The following AHCY variants were observed in gnomAD, a reference collection of about 807,000 sequenced individuals.
AHCY encodes S-adenosyl-L-homocysteine hydrolase.
AHCY carries 24 observed loss-of-function variants against 45.4 expected under a neutral mutation model. That is an observed-to-expected ratio of 0.53 (90% CI 0.38 to 0.74). AHCY has a LOEUF of 0.74. AHCY is among the 30% of genes least tolerant of loss of function. The pLI is 0.00. For synonymous variants in AHCY, 245 were observed against 235.1 expected (o/e 1.04, Z -0.39); for missense variants, 449 against 594.1 (o/e 0.76, Z 2.54).
the AHCY span, among the ~76,000 whole-genome samples, chr20:34,264,002 T>C: frequency 2.0e-5 from 3 of 151,992 alleles, no homozygotes; most frequent in East Asian, 5.8e-4. Flanking sequence ...TTTTTGAAGA[T>C]TGACAATTAG....
chr20:34,300,407 A>T (rs2036729828), intron 1 of AHCY, among the ~76,000 whole-genome samples: 1 of 152,206 alleles, frequency 6.6e-6, no homozygotes, highest in African/African-American at 2.4e-5. Context: ...CCCTATCTGC[A>T]TGACTGCCTG....
chr20:34,290,377 C>G lies in AHCY; in HGVS notation c.927G>C (p.Lys309Asn). Residue 309 changes from lysine (K) to asparagine (N), a missense_variant, in exon 8 of 10, where the codon AAG becomes AAC. Coordinates refer to ENST00000217426, the MANE Select transcript of AHCY (RefSeq NM_000687.4). The surrounding 1 kb of genome is among the most constrained non-coding windows in gnomAD (Gnocchi z 4.5). Reference protein sequence around the residue: ...IGHFDVEIDVKWLNENAVEKV... With the variant: ...IGHFDVEIDVNWLNENAVEKV... ...TCTCCACGGCGTTCTCGTTGAGCCA[C>G]TTGACATCGATCTCCACGTCAAAGT... is the stretch of plus-strand genomic sequence containing the variant. The G allele has an allele frequency of 6.2e-7, 1 of 1,614,178 alleles. No individual in the cohort carries two copies. Among genetic ancestry groups the G allele is most frequent in the South Asian group, 1.1e-5 (1 of 91,082 alleles).
Position 34,285,497 on chromosome 20 carries a change from G to A in AHCY, c.1110C>T (p.Ile370=), listed in dbSNP as rs138006791. The change falls in exon 9 of 10, where the codon ATC becomes ATT. Residue 370 remains isoleucine (I), a synonymous_variant. Transcript: ENST00000217426. Reference sequence around the variant, plus strand: ...ACTTGTCTGGATGGGTCCACAGCTCGATCTGCGCCATCACCTGGTTGGTGA... The same window carrying A: ...ACTTGTCTGGATGGGTCCACAGCTCAATCTGCGCCATCACCTGGTTGGTGA... ...NSFTNQVMAQ[I]ELWTHPDKYP... 56 of 1,613,956 alleles carry A rather than the reference G, an allele frequency of 3.5e-5. No individual in the cohort carries two copies. Among genetic ancestry groups the A allele is most frequent in the African/African-American group, 6.7e-5 (5 of 74,922 alleles).
chr20:34,238,647 A>G, the AHCY span, among the ~76,000 whole-genome samples: 1 of 152,078 alleles, frequency 6.6e-6, no homozygotes, highest in African/African-American at 2.4e-5. Context: ...TAGGTCTGCC[A>G]TGAGGACTTT....
At chr20:34,307,745 G>A (rs530566731), upstream of AHCY, among the ~76,000 whole-genome samples, 1 of 152,334 alleles carries the variant, frequency 6.6e-6, no homozygotes, top group Non-Finnish European at 1.5e-5. Flanking sequence ...AAATGATAAT[G>A]TTCATTGTTG....
At chr20:34,247,633 T>C in the AHCY span, among the ~76,000 whole-genome samples, 1 of 151,566 alleles carries the variant, frequency 6.6e-6, no homozygotes, top group Non-Finnish European at 1.5e-5. Flanking sequence ...TTTTGAGACA[T>C]GGTCTCATTC....
chr20:34,245,668 C>A, the AHCY span, among the ~76,000 whole-genome samples: 4 of 151,948 alleles, frequency 2.6e-5, no homozygotes, highest in Non-Finnish European at 4.4e-5. Context: ...GGATTACAGG[C>A]GTGAGCCACC....
chr20:34,283,412 TTAA>T (rs966783026), intron 9 of AHCY, among the ~76,000 whole-genome samples: 12 of 152,196 alleles, frequency 7.9e-5, no homozygotes, highest in African/African-American at 2.9e-4. Context: ...AGTAGGTGAC[TTAA>T]TAAATGGTGG....
intron 4 of AHCY, 124 bp from the exon 5 acceptor site, chr20:34,291,655 G>GC (rs1346808846): frequency 3.4e-6 from 3 of 891,608 alleles, no homozygotes; most frequent in African/African-American, 3.3e-5. Flanking sequence ...GATCCCACAG[G>GC]CCCCCCAATC....
In AHCY at chr20:34,297,801, T is replaced by G. The variant is rs141107024; in HGVS notation, c.29-2216A>C. 1.6e-3 allele frequency among the ~76,000 whole-genome samples: 246 copies of G among 152,222 alleles called. 1 individual carries two copies. The highest frequency in any genetic ancestry group is 2.6e-3 in the Non-Finnish European group (177 of 68,020). ...CCCTATGGAATCCACTAGTCACCTA[T>G]AGCAGTCATCTACAGCTTCAGACCA... On this transcript the variant is annotated intron_variant, in intron 1 of 9. Transcript: ENST00000217426.
intron 8 of AHCY, among the ~76,000 whole-genome samples, chr20:34,288,296 C>T (rs1219371349): frequency 6.6e-6 from 1 of 152,148 alleles, no homozygotes; most frequent in Non-Finnish European, 1.5e-5. Context: ...AGGGCTTTGG[C>T]CAACTCTGTG....
At chr20:34,265,163 T>A in the AHCY span, among the ~76,000 whole-genome samples, 1 of 152,160 alleles carries the variant, frequency 6.6e-6, no homozygotes. Context: ...CCACAGTTTA[T>A]GTTATCAGTA....
intron 5 of AHCY, 106 bp downstream of exon 5, chr20:34,291,313 G>A: frequency 5.5e-6 from 6 of 1,084,908 alleles, no homozygotes; most frequent in Non-Finnish European, 8.5e-6. Flanking sequence ...CCCCTCAAAT[G>A]AGGGCTTCAT....
At chr20:34,242,379 C>T in the AHCY span, among the ~76,000 whole-genome samples, 1 of 152,042 alleles carries the variant, frequency 6.6e-6, no homozygotes, top group African/African-American at 2.4e-5. Flanking sequence ...ACAACAGGCA[C>T]ACACCACCAC....
At chr20:34,293,844 G>C (rs1004523815) in intron 3 of AHCY, 1 of 585,258 alleles carries the variant, frequency 1.7e-6, no homozygotes, top group Admixed American at 2.7e-5. Flanking sequence ...CCAATCATAA[G>C]ATCTTGCTCT....
intron 1 of AHCY, among the ~76,000 whole-genome samples, chr20:34,310,354 C>T (rs1056075405): frequency 2.6e-5 from 4 of 152,260 alleles, no homozygotes; most frequent in South Asian, 2.1e-4. Flanking sequence ...CCACCATGCC[C>T]GGCTGATTAA....
the AHCY span, among the ~76,000 whole-genome samples, chr20:34,235,408 C>T: frequency 6.6e-6 from 1 of 152,156 alleles, no homozygotes; most frequent in Admixed American, 6.5e-5. Context: ...CCATTGCACT[C>T]CAGCCTGGGT....
the AHCY span, among the ~76,000 whole-genome samples, chr20:34,256,810 G>A: frequency 6.6e-6 from 1 of 152,038 alleles, no homozygotes; most frequent in African/African-American, 2.4e-5. Context: ...GAGTCTCACT[G>A]TGTTGCCCAG....
chr20:34,285,741 G>A (rs35351212), intron 8 of AHCY, 107 bp from the exon 9 acceptor site: 23 of 1,238,762 alleles, frequency 1.9e-5, no homozygotes, highest in Middle Eastern at 1.9e-4. Flanking sequence ...TGAGGAGTCC[G>A]AACTGCTCCA....
Sources: gnomAD v4.1 joint callset for allele counts (sites outside exome capture counted in the v4.1 genomes callset) on GRCh38, gnomAD v4.1.1 for gene constraint, Gnocchi (gnomAD v3.1) non-coding constraint, MANE v1.5 for transcripts, NCBI Gene and HGNC (gene_info 2026-07-23, HGNC 2026-07-21) for gene names.